Variants in UNC13A observed in about 807,000 individuals in gnomAD.
The protein encoded by UNC13A is unc-13 homolog A, also known as protein unc-13 homolog A.
In UNC13A, 61 loss-of-function variants were observed where a neutral mutation model predicts 219.7. That is an observed-to-expected ratio of 0.28 (90% confidence interval 0.23 to 0.34). The LOEUF is 0.34. Ranked by LOEUF, UNC13A falls within the 10% of genes least tolerant of loss-of-function variation. The probability of loss-of-function intolerance (pLI) is 1.00; values close to 1 mark genes in which losing one functional copy is unlikely to be tolerated. For synonymous variants in UNC13A, 920 were observed against 884.6 expected, an observed-to-expected ratio of 1.04 and a Z score of -0.71; for missense variants, 1,476 against 2,270.3, an observed-to-expected ratio of 0.65 and a Z score of 7.11.
chr19:17,650,007 C>T (rs1243452938), intron 12 of UNC13A, among the ~76,000 whole-genome samples: 2 of 152,090 alleles, frequency 1.3e-5, no homozygotes, highest in African/African-American at 4.8e-5. Flanking sequence ...CATGGCTCTA[C>T]CAATGCCTTG....
At chr19:17,642,001 C>T (rs1259767508) in intron 20 of UNC13A, among the ~76,000 whole-genome samples, 1 of 150,826 alleles carries the variant, frequency 6.6e-6, no homozygotes, top group Non-Finnish European at 1.5e-5. Flanking sequence ...TTCATCCACC[C>T]ACCCATTCAT....
chr19:17,619,785 G>A (rs970448587), intron 38 of UNC13A, among the ~76,000 whole-genome samples: 14 of 152,112 alleles, frequency 9.2e-5, no homozygotes, highest in Admixed American at 2.6e-4. Context: ...CTCCATATCC[G>A]TCCTCCACCC....
rs1659687174 is a variant in UNC13A, at chr19:17,629,460, A to G, written c.3670-137T>C. 6 of 675,044 alleles carry G rather than the reference A, an allele frequency of 8.9e-6. No homozygotes were observed. The Admixed American group carries it at 1.3e-4, about 15-fold the overall frequency. 41.8% of individuals were successfully genotyped at this position (675,044 alleles called of 1,614,324 possible). A position where few individuals can be genotyped will look rare whatever the true frequency, so the allele number is the denominator to read the frequency against. ...CCTAAGATGGGCCTTTGGGCTAGGC[A>G]AATTCTCCACTCAAGATGACCATCA... On this transcript the variant is annotated intron_variant, in intron 30 of 43. Coordinates refer to ENST00000519716, the MANE Select transcript of UNC13A (RefSeq NM_001080421.3).
intron 12 of UNC13A, among the ~76,000 whole-genome samples, chr19:17,651,793 A>G (rs1435721821): frequency 6.6e-6 from 1 of 152,164 alleles, no homozygotes; most frequent in African/African-American, 2.4e-5. Flanking sequence ...TTTATTTAGG[A>G]GTCCCAGCTG....
chr19:17,603,949 C>A lies in UNC13A; in HGVS notation c.*2105G>T, dbSNP rs891637227. The A allele has an allele frequency of 6.6e-6, 1 of 152,146 alleles. No homozygotes were observed. The highest frequency in any genetic ancestry group is 3.1e-3 in the Middle Eastern group (1 of 320). The allele number at this position is 152,146 out of a possible 1,614,324, so 9.4% of individuals were successfully genotyped here. On this transcript the variant is annotated 3_prime_UTR_variant, in exon 44 of 44. Coordinates refer to ENST00000519716, the MANE Select transcript of UNC13A (RefSeq NM_001080421.3). ...GCCTCAGTCTCCTGAGTAGCTGGGACTACAGGCATGCACCACTGCACCCAG... is the reference window on the plus strand; with the variant it reads ...GCCTCAGTCTCCTGAGTAGCTGGGAATACAGGCATGCACCACTGCACCCAG...
intron 43 of UNC13A, among the ~76,000 whole-genome samples, chr19:17,608,281 TATATA>T (rs549356905): frequency 2.4e-4 from 34 of 140,200 alleles, no homozygotes; most frequent in African/African-American, 3.4e-4. Context: ...TATACTTTTA[TATATA>T]ATATAATATA....
In UNC13A at chr19:17,688,277, C is replaced by G; in HGVS notation, c.-78G>C. ...GGGCTCAGCGGCCGCTGGGCTGGGGCATCTCCCGGCTGCAGCCCGCGCTTG... is the reference window on the plus strand; with the variant it reads ...GGGCTCAGCGGCCGCTGGGCTGGGGGATCTCCCGGCTGCAGCCCGCGCTTG... On this transcript the variant is annotated 5_prime_UTR_variant, in exon 1 of 44. An upstream start codon of the reference 5' UTR is lost. Coordinates refer to ENST00000519716, the MANE Select transcript of UNC13A (RefSeq NM_001080421.3). The G allele has an allele frequency of 7.3e-7, 1 of 1,370,170 alleles. No individual in the cohort carries two copies. Among genetic ancestry groups the G allele is most frequent in the Non-Finnish European group, 9.4e-7 (1 of 1,062,396 alleles). 84.9% of individuals were successfully genotyped at this position (1,370,170 alleles called of 1,614,324 possible).
At position 17,688,047 on chromosome 19, in the gene UNC13A, T is replaced by G. The variant is rs190660758; in HGVS notation, c.22+131A>C. On this transcript the variant is annotated intron_variant, in intron 1 of 43. Transcript: ENST00000519716. ...GGGGCCCAGCTGCGTCGACAAGGGC[T>G]ACCCCTCTCAAAAGTCCAGCCACCT... The G allele has an allele frequency of 4.0e-3, 4,751 of 1,188,880 alleles. 15 individuals are homozygous for G. Among genetic ancestry groups the G allele is most frequent in the Non-Finnish European group, 5.0e-3 (4,455 of 884,918 alleles). The allele number at this position is 1,188,880 out of a possible 1,614,324, so 73.6% of individuals were successfully genotyped here.
rs2080151446 is a variant in UNC13A, at chr19:17,688,161, C to G, written c.22+17G>C. 1 of 1,528,574 alleles carries G rather than the reference C, an allele frequency of 6.5e-7. No homozygotes were observed. Among genetic ancestry groups the G allele is most frequent in the Non-Finnish European group, 8.8e-7 (1 of 1,137,832 alleles). 94.7% of individuals were successfully genotyped at this position (1,528,574 alleles called of 1,614,324 possible). A position where few individuals can be genotyped will look rare whatever the true frequency, so the allele number is the denominator to read the frequency against. ...CGCGTCCACACGGGTCCCCCGACCC[C>G]CAGCCTCGCCTCCTACCTCCAACGC... On this transcript the variant is annotated intron_variant, in intron 1 of 43. Transcript: ENST00000519716.
intron 1 of UNC13A, among the ~76,000 whole-genome samples, chr19:17,683,052 C>A (rs530415645): frequency 3.4e-4 from 52 of 151,978 alleles, no homozygotes; most frequent in Admixed American, 3.9e-4. Context: ...GCAACAGAGC[C>A]AGACTCTGTC....
chr19:17,656,531 A>G, intron 9 of UNC13A, 133 bp from the exon 10 acceptor site: 1 of 989,302 alleles, frequency 1.0e-6, no homozygotes, highest in Admixed American at 3.1e-5. Flanking sequence ...GGGCTGGAAA[A>G]CACAGCCATG....
chr19:17,632,682 C>A, intron 28 of UNC13A, 100 bp downstream of exon 28: 1 of 1,561,096 alleles, frequency 6.4e-7, no homozygotes, highest in Non-Finnish European at 8.7e-7. Flanking sequence ...GCCCCTGATG[C>A]CCAGGTAACC....
Position 17,639,102 on chromosome 19 carries a change from C to T in UNC13A, c.3062G>A (p.Arg1021Gln), listed in dbSNP as rs781691500. ...IFNNCHELYS[R>Q]EYQTDPAKKG... Reference sequence around the variant, plus strand: ...TCTCACCGGGTCTGTCTGGTACTCCCGGCTGTACAGTTCATGGCAGTTATT... The same window carrying T: ...TCTCACCGGGTCTGTCTGGTACTCCTGGCTGTACAGTTCATGGCAGTTATT... The change falls in exon 25 of 44, where the codon CGG (arginine) becomes CAG (glutamine). Residue 1021 changes from arginine to glutamine, a missense_variant. By Grantham distance (43) the Arg-to-Gln change is conservative. This residue lies in a region of UNC13A where 140 missense variants were observed against 270.9 expected (regional missense o/e 0.52). Transcript: ENST00000519716. The T allele has an allele frequency of 5.0e-6, 8 of 1,604,188 alleles. No individual in the cohort carries two copies. The East Asian group carries it at 9.0e-5, about 18-fold the overall frequency.
At position 17,601,421 on chromosome 19, in the gene UNC13A, C is replaced by T. The variant is rs1019186619; in HGVS notation, c.*4633G>A. 7 of 152,574 alleles carry T rather than the reference C, an allele frequency of 4.6e-5. No homozygotes were observed. The highest frequency in any genetic ancestry group is 1.7e-4 in the African/African-American group (7 of 41,410). The allele number at this position is 152,574 out of a possible 1,614,324, so 9.5% of individuals were successfully genotyped here. A position where few individuals can be genotyped will look rare whatever the true frequency, so the allele number is the denominator to read the frequency against. Reference sequence around the variant, plus strand: ...AAAGTCAGAATAGTGCAAAACATCTCAACACCATGCATTCATGACCACTTC... The same window carrying T: ...AAAGTCAGAATAGTGCAAAACATCTTAACACCATGCATTCATGACCACTTC... On this transcript the variant is annotated 3_prime_UTR_variant, in exon 44 of 44. Coordinates refer to ENST00000519716, the MANE Select transcript of UNC13A (RefSeq NM_001080421.3).
chr19:17,681,602 T>G (rs1343932856), intron 1 of UNC13A, among the ~76,000 whole-genome samples: 1 of 152,084 alleles, frequency 6.6e-6, no homozygotes, highest in Non-Finnish European at 1.5e-5. Context: ...AATAAGGGAT[T>G]TGTGTGTGTG....
At chr19:17,686,741 C>T (rs1354554255) in intron 1 of UNC13A, among the ~76,000 whole-genome samples, 5 of 152,052 alleles carry the variant, frequency 3.3e-5, no homozygotes, top group East Asian at 1.9e-4. Context: ...GCCGGCCCAG[C>T]CCGGCCGGAT....
At position 17,617,776 on chromosome 19, in the gene UNC13A, C is replaced by T. The variant is rs368231008; in HGVS notation, c.4484G>A (p.Arg1495His). 2.6e-5 allele frequency: 42 copies of T among 1,613,296 alleles called. No individual in the cohort carries two copies. Among genetic ancestry groups the T allele is most frequent in the Middle Eastern group, 3.3e-4 (2 of 6,082 alleles). ...CTGCGTGTAGAGCGACAGGGCATAG[C>T]GCAAGGATTGCAGGTCCGGGCTCTT... Reference protein sequence around the residue: ...LEKSPDLQSLRYALSLYTQAT... With the variant: ...LEKSPDLQSLHYALSLYTQAT... Residue 1495 changes from arginine to histidine, a missense_variant, in exon 41 of 44, where the codon CGC (arginine) becomes CAC (histidine). By Grantham distance (29) the Arg-to-His change is conservative. Coordinates refer to ENST00000519716, the MANE Select transcript of UNC13A (RefSeq NM_001080421.3).
intron 4 of UNC13A, among the ~76,000 whole-genome samples, chr19:17,670,858 T>C (rs1419984514): frequency 1.3e-5 from 2 of 151,150 alleles, no homozygotes; most frequent in East Asian, 3.9e-4. Flanking sequence ...GAGCCAAGAT[T>C]GTGCCATTGC....
intron 8 of UNC13A, 56 bp downstream of exon 8, chr19:17,663,476 C>A: frequency 6.3e-7 from 1 of 1,599,070 alleles, no homozygotes; most frequent in African/African-American, 1.3e-5. Flanking sequence ...TTGGGATCAC[C>A]AAGGTGCCCA....
Sources: allele counts gnomAD v4.1 joint callset (sites outside exome capture counted in the v4.1 genomes callset), GRCh38; gene constraint gnomAD v4.1.1; regional missense constraint gnomAD v4.1.1; transcripts MANE v1.5; gene names NCBI Gene and HGNC (gene_info 2026-07-23, HGNC 2026-07-21).